Variants in ARMC7 observed in about 807,000 individuals in gnomAD.
The protein encoded by ARMC7 is armadillo repeat containing 7, also known as armadillo repeat-containing protein 7.
ARMC7 carries 9 observed loss-of-function variants against 14.8 expected under a neutral mutation model. That is an observed-to-expected ratio of 0.61 (90% CI 0.37 to 1.06). The LOEUF (loss-of-function observed/expected upper bound fraction) is 1.06, where lower values mean the gene tolerates loss of function less well. Among genes scored for constraint, ARMC7 ranks in the 50% least tolerant of loss-of-function variants. The pLI, the probability that ARMC7 is intolerant of heterozygous loss-of-function variation, is 0.01. For synonymous variants in ARMC7, 125 were observed against 123.4 expected, an observed-to-expected ratio of 1.01 and a Z score of -0.09; for missense variants, 262 against 267.1, an observed-to-expected ratio of 0.98 and a Z score of 0.13.
chr17:75,110,253 C>A lies in ARMC7; in HGVS notation c.-36C>A. 1 of 1,544,402 alleles carries A rather than the reference C, an allele frequency of 6.5e-7. No homozygotes were observed. The highest frequency in any genetic ancestry group is 8.7e-7 in the Non-Finnish European group (1 of 1,147,680). On this transcript the variant is annotated 5_prime_UTR_variant, in exon 1 of 3. Transcript: ENST00000245543. ...TTTCCCCCTGCACCTTTCCCACCCTCCCGCCCGTCCCTGGGGGTCCTCCGT... is the reference window on the plus strand; with the variant it reads ...TTTCCCCCTGCACCTTTCCCACCCTACCGCCCGTCCCTGGGGGTCCTCCGT...
chr17:75,117,829 G>T (rs970237343), intron 2 of ARMC7, among the ~76,000 whole-genome samples: 1 of 152,066 alleles, frequency 6.6e-6, no homozygotes, highest in East Asian at 1.9e-4. Context: ...ATATTAAGAT[G>T]TTATCTTTAG....
chr17:75,128,877 C>G lies in ARMC7; in HGVS notation c.436C>G (p.Leu146Val). ...CGCCACGCCCGTGGTGCAGTGCATG[C>G]TTCGCTTCTCCCTCTCGGCCAGCGC... Reference protein sequence around the residue: ...LTATPVVQCMLRFSLSASARL... With the variant: ...LTATPVVQCMVRFSLSASARL... Residue 146 changes from leucine (L) to valine (V), a missense_variant, in exon 3 of 3, where the codon CTT (leucine) becomes GTT (valine). Physicochemically the swap from Leu to Val is conservative, Grantham distance 32. Coordinates refer to ENST00000245543, the MANE Select transcript of ARMC7 (RefSeq NM_024585.4). 6.2e-7 allele frequency: 1 copy of G among 1,612,170 alleles called. No homozygotes were observed. Among genetic ancestry groups the G allele is most frequent in the Non-Finnish European group, 8.5e-7 (1 of 1,179,942 alleles).
chr17:75,114,674 T>C (rs759205652), intron 2 of ARMC7: 2 of 398,256 alleles, frequency 5.0e-6, no homozygotes, highest in Non-Finnish European at 8.9e-6. Context: ...TCACCAGCTT[T>C]ACTTTTCCCA....
chr17:75,122,974 T>C (rs570730606), intron 2 of ARMC7, among the ~76,000 whole-genome samples: 67 of 152,098 alleles, frequency 4.4e-4, no homozygotes, highest in African/African-American at 1.5e-3. Flanking sequence ...CTGGTGTCCT[T>C]CTTCCCTCCT....
Position 75,129,327 on chromosome 17 carries a change from G to T in ARMC7, c.*289G>T. Reference sequence around the variant, plus strand: ...AGACTCAGGCCCTGGTGTAAGAAGCGGCCAAGTGCCTGGACCCAGAGGCTT... The same window carrying T: ...AGACTCAGGCCCTGGTGTAAGAAGCTGCCAAGTGCCTGGACCCAGAGGCTT... On this transcript the variant is annotated 3_prime_UTR_variant, in exon 3 of 3. Transcript: ENST00000245543. 2 of 494,676 alleles carry T rather than the reference G, an allele frequency of 4.0e-6. No homozygotes were observed. Among genetic ancestry groups the T allele is most frequent in the East Asian group, 3.5e-5 (1 of 28,884 alleles). The allele number at this position is 494,676 out of a possible 1,614,324, so 30.6% of individuals were successfully genotyped here.
At chr17:75,114,899 C>T (rs753911894) in intron 2 of ARMC7, 2 of 388,732 alleles carry the variant, frequency 5.1e-6, no homozygotes, top group Non-Finnish European at 9.1e-6. Flanking sequence ...GCCGTCGTTT[C>T]CCTTTCTCTT....
intron 2 of ARMC7, among the ~76,000 whole-genome samples, chr17:75,117,297 G>A (rs1358461226): frequency 3.9e-5 from 6 of 152,102 alleles, no homozygotes; most frequent in South Asian, 4.1e-4. Context: ...GGCTGATCTC[G>A]AACTCCTCAC....
At chr17:75,111,509 C>G (rs534304860) in intron 2 of ARMC7, among the ~76,000 whole-genome samples, 1 of 150,626 alleles carries the variant, frequency 6.6e-6, no homozygotes, top group Non-Finnish European at 1.5e-5. Flanking sequence ...TTTGTGAGGC[C>G]GAAGCAGGGA....
At chr17:75,115,950 AC>A (rs568434247) in intron 2 of ARMC7, among the ~76,000 whole-genome samples, 1 of 152,054 alleles carries the variant, frequency 6.6e-6, no homozygotes, top group Non-Finnish European at 1.5e-5. Flanking sequence ...AATACCCAAA[AC>A]CCTTTGAGGG....
rs1410821226 is a variant in ARMC7 at position 75,110,459 on chromosome 17, G to C, written c.92-4G>C. On this transcript the variant is annotated splice_polypyrimidine_tract_variant and splice_region_variant and intron_variant, in intron 1 of 2. Transcript: ENST00000245543. ...CTGGCTTCAGTGCCGCTTTCCCGTT[G>C]CAGACGCCAAGGAGCAAGTCCTCGC... 1.9e-6 allele frequency: 3 copies of C among 1,614,132 alleles called. No homozygotes were observed. Among genetic ancestry groups the C allele is most frequent in the Admixed American group, 3.3e-5 (2 of 60,010 alleles).
chr17:75,118,249 CT>C, intron 2 of ARMC7, among the ~76,000 whole-genome samples: 1 of 152,054 alleles, frequency 6.6e-6, no homozygotes, highest in Non-Finnish European at 1.5e-5. Context: ...TGCTCACTTG[CT>C]TCTCAGGGCT....
At chr17:75,118,710 G>C (rs1299113002) in intron 2 of ARMC7, among the ~76,000 whole-genome samples, 1 of 152,186 alleles carries the variant, frequency 6.6e-6, no homozygotes, top group Non-Finnish European at 1.5e-5. Flanking sequence ...GCTCCTGTTT[G>C]GGTGCTGTTG....
intron 2 of ARMC7, among the ~76,000 whole-genome samples, chr17:75,127,724 A>G (rs1433129030): frequency 6.6e-6 from 1 of 152,170 alleles, no homozygotes; most frequent in South Asian, 2.1e-4. Flanking sequence ...CCTCTCAAGT[A>G]GCTGAGACTA....
Position 75,118,997 on chromosome 17 carries a change from C to T in ARMC7, c.235+8391C>T, listed in dbSNP as rs148672266. 1.4e-4 allele frequency among the ~76,000 whole-genome samples: 21 copies of T among 152,324 alleles called. No homozygotes were observed. In the Middle Eastern group the frequency reaches 0.01, roughly 74 times the overall value. On this transcript the variant is annotated intron_variant, in intron 2 of 2. Transcript: ENST00000245543. Reference sequence around the variant, plus strand: ...CTGGGAACCCAGCTGGCACCAGGCTCAGACTCTAGTCCCTTGTTCTGGCCT... The same window carrying T: ...CTGGGAACCCAGCTGGCACCAGGCTTAGACTCTAGTCCCTTGTTCTGGCCT...
chr17:75,116,018 C>T (rs1373854837), intron 2 of ARMC7, among the ~76,000 whole-genome samples: 1 of 152,148 alleles, frequency 6.6e-6, no homozygotes, highest in Admixed American at 6.5e-5. Flanking sequence ...AACGTCCTAT[C>T]AAGGGAATCA....
intron 2 of ARMC7, among the ~76,000 whole-genome samples, chr17:75,116,545 A>C (rs1411314146): frequency 6.6e-6 from 1 of 152,164 alleles, no homozygotes; most frequent in Non-Finnish European, 1.5e-5. Context: ...GAATCGCTTG[A>C]ACCGAGGAGG....
chr17:75,115,891 T>C (rs1230662227), intron 2 of ARMC7, among the ~76,000 whole-genome samples: 2 of 152,162 alleles, frequency 1.3e-5, no homozygotes, highest in African/African-American at 4.8e-5. Context: ...CTTTTAGGGT[T>C]AGTGTCTGCA....
intron 2 of ARMC7, chr17:75,114,932 C>T (rs372184780): frequency 1.6e-5 from 6 of 382,650 alleles, no homozygotes; most frequent in Non-Finnish European, 2.8e-5. Flanking sequence ...TGGGGATCCC[C>T]GACAGGCACT....
rs898981224 is a variant in ARMC7 at position 75,113,164 on chromosome 17, T to C, written c.235+2558T>C. Among the ~76,000 whole-genome samples the C allele has an allele frequency of 1.1e-3, 160 of 151,230 alleles. 1 individual carries two copies. Among genetic ancestry groups the C allele is most frequent in the African/African-American group, 2.7e-3 (112 of 41,156 alleles). ...CTTCAGCCTCCCGGGTATGGGATTA[T>C]AGGCGCCCGCCACCACGCCCGGCTA... On this transcript the variant is annotated intron_variant, in intron 2 of 2. Coordinates refer to ENST00000245543, the MANE Select transcript of ARMC7 (RefSeq NM_024585.4).
Sources: gnomAD v4.1 joint callset for allele counts (sites outside exome capture counted in the v4.1 genomes callset) on GRCh38, gnomAD v4.1.1 for gene constraint, MANE v1.5 for transcripts, NCBI Gene and HGNC (gene_info 2026-07-23, HGNC 2026-07-21) for gene names.